CDK5RAP2: variants seen among roughly 807,000 people sequenced by gnomAD.
CDK5RAP2 encodes the protein CDK5 regulatory subunit-associated protein 2.
Under a neutral mutation model 232.9 loss-of-function variants are expected in CDK5RAP2, and 147 were observed. That is an observed-to-expected ratio of 0.63 (90% CI 0.55 to 0.72). The LOEUF is 0.72. CDK5RAP2 is among the 30% of genes least tolerant of loss of function. The pLI is 0.00. For missense variants in CDK5RAP2, 2,195 were observed against 2,231.5 expected, an observed-to-expected ratio of 0.98 and a Z score of 0.33; for synonymous variants, 833 against 833.7, an observed-to-expected ratio of 1.00 and a Z score of 0.01.
At chr9:120,427,309 A>G (rs774446963) in intron 25 of CDK5RAP2, among the ~76,000 whole-genome samples, 6 of 152,236 alleles carry the variant, frequency 3.9e-5, no homozygotes, top group Non-Finnish European at 5.9e-5. Flanking sequence ...ACAAATTTGC[A>G]TTGTGCCACA....
In CDK5RAP2 at chr9:120,401,133, C is replaced by A. The variant is rs1307871765; in HGVS notation, c.5308-248G>T. 25 of 508,322 alleles carry A rather than the reference C, an allele frequency of 4.9e-5. No individual in the cohort carries two copies. The Admixed American group carries it at 8.5e-4, about 17-fold the overall frequency. 31.5% of individuals were successfully genotyped at this position (508,322 alleles called of 1,614,324 possible). On this transcript the variant is annotated intron_variant, in intron 34 of 37. Coordinates refer to ENST00000349780, the MANE Select transcript of CDK5RAP2 (RefSeq NM_018249.6). ...TAATAACCACCATGGTTAATAACCA[C>A]CAGCATTAACTACAGTTACTACTCC...
At chr9:120,425,247 G>A (rs1047272023) in intron 25 of CDK5RAP2, among the ~76,000 whole-genome samples, 24 of 152,044 alleles carry the variant, frequency 1.6e-4, no homozygotes, top group Admixed American at 5.2e-4. Flanking sequence ...TATTCCACCC[G>A]TTCCCCTATT....
intron 25 of CDK5RAP2, among the ~76,000 whole-genome samples, chr9:120,436,418 G>C (rs1274925305): frequency 3.3e-5 from 5 of 152,186 alleles, no homozygotes; most frequent in Middle Eastern, 3.4e-3. Context: ...ACTGGATCCC[G>C]GACCAGGATC....
In CDK5RAP2 at chr9:120,546,874, T is replaced by C. The variant is rs561211659; in HGVS notation, c.307-1084A>G. ...CTGGTCTTAAACTTCTGGCTTCAAA[T>C]GATACTCCTGCTTCAGCCTCCCAAA... On this transcript the variant is annotated intron_variant, in intron 4 of 37. Coordinates refer to ENST00000349780, the MANE Select transcript of CDK5RAP2 (RefSeq NM_018249.6). Among the ~76,000 whole-genome samples, 47 of 152,336 alleles carry C rather than the reference T, an allele frequency of 3.1e-4. No homozygotes were observed. In the South Asian group the frequency reaches 7.5e-3, roughly 24 times the overall value.
At chr9:120,570,876 T>C (rs1328354675) in intron 2 of CDK5RAP2, among the ~76,000 whole-genome samples, 2 of 149,528 alleles carry the variant, frequency 1.3e-5, no homozygotes, top group East Asian at 4.0e-4. Flanking sequence ...AAAGTAAAAG[T>C]TGCCAATGAG....
chr9:120,474,612 C>T (rs34542395), intron 15 of CDK5RAP2, among the ~76,000 whole-genome samples: 1 of 152,198 alleles, frequency 6.6e-6, no homozygotes, highest in African/African-American at 2.4e-5. Context: ...CCAAGACGAC[C>T]TAAGCACTGA....
At chr9:120,418,809 T>C (rs557854646) in intron 27 of CDK5RAP2, among the ~76,000 whole-genome samples, 3 of 152,158 alleles carry the variant, frequency 2.0e-5, no homozygotes, top group Non-Finnish European at 4.4e-5. Context: ...ACTGGGCTCC[T>C]CTGAGTCCTG....
intron 3 of CDK5RAP2, among the ~76,000 whole-genome samples, chr9:120,552,460 T>C (rs2042078118): frequency 6.6e-6 from 1 of 151,884 alleles, no homozygotes; most frequent in Non-Finnish European, 1.5e-5. Context: ...CCAACAACGA[T>C]AGACTGGATT....
chr9:120,575,741 G>C (rs1304499183), intron 1 of CDK5RAP2, among the ~76,000 whole-genome samples: 1 of 152,172 alleles, frequency 6.6e-6, no homozygotes, highest in Non-Finnish European at 1.5e-5. Context: ...CCGCCTAGGA[G>C]GTAATCACTG....
chr9:120,398,394 T>A (rs868237270), intron 35 of CDK5RAP2, among the ~76,000 whole-genome samples: 2 of 152,206 alleles, frequency 1.3e-5, no homozygotes, highest in African/African-American at 2.4e-5. Flanking sequence ...AATATAACCA[T>A]TAACAAGAGT....
intron 12 of CDK5RAP2, among the ~76,000 whole-genome samples, chr9:120,507,108 A>T (rs1014764665): frequency 1.3e-5 from 2 of 152,228 alleles, no homozygotes; most frequent in African/African-American, 2.4e-5. Context: ...CCTTCCACCA[A>T]GAAAGATTAC....
chr9:120,545,245 C>G (rs1307303063), intron 5 of CDK5RAP2, among the ~76,000 whole-genome samples: 1 of 152,174 alleles, frequency 6.6e-6, no homozygotes. Context: ...AATTGAACTA[C>G]TGATATAATT....
chr9:120,529,921 C>T (rs2041073720), intron 8 of CDK5RAP2, 57 bp downstream of exon 8: 2 of 1,536,462 alleles, frequency 1.3e-6, no homozygotes, highest in Non-Finnish European at 1.8e-6. Flanking sequence ...ATTCCATCTC[C>T]CACAGAGGAG....
At chr9:120,486,131 G>C (rs748816946) in intron 14 of CDK5RAP2, among the ~76,000 whole-genome samples, 28 of 152,040 alleles carry the variant, frequency 1.8e-4, no homozygotes, top group Non-Finnish European at 2.6e-4. Context: ...AGCTGCCCTG[G>C]TCCCTCCCTA....
At chr9:120,483,681 AGT>A (rs1165153487) in intron 14 of CDK5RAP2, among the ~76,000 whole-genome samples, 1 of 152,264 alleles carries the variant, frequency 6.6e-6, no homozygotes, top group Non-Finnish European at 1.5e-5. Context: ...AGATTAGGAA[AGT>A]GAGTTTCAGA....
chr9:120,472,490 C>A (rs1297371400), intron 15 of CDK5RAP2, among the ~76,000 whole-genome samples: 1 of 151,982 alleles, frequency 6.6e-6, no homozygotes, highest in Non-Finnish European at 1.5e-5. Context: ...CTGTGTTACT[C>A]CTCAAAAAAG....
intron 4 of CDK5RAP2, among the ~76,000 whole-genome samples, chr9:120,547,543 G>T (rs1048430663): frequency 6.6e-6 from 1 of 151,982 alleles, no homozygotes; most frequent in Non-Finnish European, 1.5e-5. Context: ...GGCAGAGGTC[G>T]CAGTGAGCCA....
At chr9:120,484,237 C>A (rs2038473842) in intron 14 of CDK5RAP2, among the ~76,000 whole-genome samples, 1 of 152,116 alleles carries the variant, frequency 6.6e-6, no homozygotes, top group African/African-American at 2.4e-5. Context: ...AAGGGCACAG[C>A]AGAATAAATT....
chr9:120,461,695 C>T (rs936696581), intron 18 of CDK5RAP2, among the ~76,000 whole-genome samples: 2 of 152,122 alleles, frequency 1.3e-5, no homozygotes, highest in East Asian at 1.9e-4. Flanking sequence ...CACAAAAATT[C>T]GCCGGGTGTG....
Sources: gnomAD v4.1 joint callset for allele counts (sites outside exome capture counted in the v4.1 genomes callset) on GRCh38, gnomAD v4.1.1 for gene constraint, MANE v1.5 for transcripts, NCBI Gene and HGNC (gene_info 2026-07-23, HGNC 2026-07-21) for gene names.